Variants in FHIT observed in about 807,000 individuals in gnomAD.
FHIT encodes the protein fragile histidine triad diadenosine triphosphatase.
FHIT carries 19 observed loss-of-function variants against 17.9 expected under a neutral mutation model. That is an observed-to-expected ratio of 1.06 (90% CI 0.74 to 1.56). The LOEUF is 1.56. FHIT is among the 40% of genes most tolerant of loss of function. FHIT has a pLI of 0.00. For missense variants in FHIT, 248 were observed against 189.2 expected, an observed-to-expected ratio of 1.31 and a Z score of -1.82; for synonymous variants, 81 against 69.7, an observed-to-expected ratio of 1.16 and a Z score of -0.81.
intron 5 of FHIT, among the ~76,000 whole-genome samples, chr3:60,525,342 T>C (rs1030754299): frequency 6.6e-6 from 1 of 152,178 alleles, no homozygotes; most frequent in African/African-American, 2.4e-5. Context: ...AAAATTAAAT[T>C]TATCCCATAA....
chr3:61,117,837 A>G (rs2036344093), intron 2 of FHIT, among the ~76,000 whole-genome samples: 1 of 152,168 alleles, frequency 6.6e-6, no homozygotes, highest in African/African-American at 2.4e-5. Flanking sequence ...CTTTGTCATT[A>G]CCAGTGCCTA....
At chr3:60,210,764 T>G (rs563230780) in intron 5 of FHIT, among the ~76,000 whole-genome samples, 5 of 152,184 alleles carry the variant, frequency 3.3e-5, no homozygotes, top group African/African-American at 1.2e-4. Context: ...TGGCCAGACT[T>G]AGGGAACTAG....
At chr3:59,869,584 C>T (rs1267544532) in intron 8 of FHIT, among the ~76,000 whole-genome samples, 1 of 150,122 alleles carries the variant, frequency 6.7e-6, no homozygotes. Context: ...CGGGTTCACG[C>T]CATTCTCCTG....
At chr3:60,516,426 T>A (rs745939028) in intron 5 of FHIT, among the ~76,000 whole-genome samples, 58 of 152,288 alleles carry the variant, frequency 3.8e-4, no homozygotes, top group Non-Finnish European at 7.1e-4. Context: ...TGGCCTCATA[T>A]AGACATATAG....
chr3:60,679,848 A>G (rs1457266389), intron 4 of FHIT, among the ~76,000 whole-genome samples: 1 of 152,102 alleles, frequency 6.6e-6, no homozygotes, highest in Non-Finnish European at 1.5e-5. Context: ...TTGTTATATA[A>G]TGGTATTAGA....
intron 8 of FHIT, among the ~76,000 whole-genome samples, chr3:59,878,800 T>C (rs1315000510): frequency 6.6e-6 from 1 of 152,148 alleles, no homozygotes; most frequent in African/African-American, 2.4e-5. Flanking sequence ...GAGAAAGGGT[T>C]TGAGAGCAAG....
chr3:59,999,011 T>C (rs192401485), intron 7 of FHIT, among the ~76,000 whole-genome samples: 47 of 152,270 alleles, frequency 3.1e-4, no homozygotes, highest in South Asian at 2.1e-4. Context: ...ATGGATTTGA[T>C]AATTTGCTAA....
chr3:60,040,644 A>T (rs574403407), intron 5 of FHIT, among the ~76,000 whole-genome samples: 2 of 152,238 alleles, frequency 1.3e-5, no homozygotes, highest in South Asian at 4.1e-4. Context: ...GGGCTTCAAG[A>T]GAACTGCGGA....
In FHIT at chr3:59,952,919, G is replaced by A. The variant is rs190125830; in HGVS notation, c.280-30505C>T. On this transcript the variant is annotated intron_variant, in intron 7 of 9. Coordinates refer to ENST00000492590, the MANE Select transcript of FHIT (RefSeq NM_002012.4). ...GGAGACTAGCCACTCTGAAGCCTACGTTCCTTGAGTAGAATGGTCCACAAT... is the reference window on the plus strand; with the variant it reads ...GGAGACTAGCCACTCTGAAGCCTACATTCCTTGAGTAGAATGGTCCACAAT... 4.5e-3 allele frequency among the ~76,000 whole-genome samples: 685 copies of A among 152,064 alleles called. 5 individuals carry two copies. The highest frequency in any genetic ancestry group is 0.015 in the African/African-American group (631 of 41,494).
intron 3 of FHIT, among the ~76,000 whole-genome samples, chr3:60,926,166 G>T (rs1274515406): frequency 3.9e-5 from 6 of 152,064 alleles, no homozygotes; most frequent in Admixed American, 2.6e-4. Context: ...AAGTTAACAA[G>T]GATATCCAGG....
At chr3:59,969,477 C>G (rs1314521920) in intron 7 of FHIT, among the ~76,000 whole-genome samples, 1 of 152,084 alleles carries the variant, frequency 6.6e-6, no homozygotes, top group Non-Finnish European at 1.5e-5. Context: ...TTGAATTTCA[C>G]CCCAACCTCT....
intron 7 of FHIT, among the ~76,000 whole-genome samples, chr3:59,960,341 A>G (rs1388361635): frequency 6.6e-6 from 1 of 152,200 alleles, no homozygotes; most frequent in Admixed American, 6.5e-5. Context: ...AATCTAAAGC[A>G]CTTACTGATA....
intron 5 of FHIT, among the ~76,000 whole-genome samples, chr3:60,050,654 C>G (rs934773863): frequency 6.6e-6 from 1 of 152,176 alleles, no homozygotes; most frequent in African/African-American, 2.4e-5. Context: ...CTCACAGATT[C>G]TACTCTCTAT....
At chr3:60,293,290 T>C (rs903973704) in intron 5 of FHIT, among the ~76,000 whole-genome samples, 3 of 152,118 alleles carry the variant, frequency 2.0e-5, no homozygotes, top group South Asian at 2.1e-4. Flanking sequence ...CCCATAGTAA[T>C]AGATTACTCA....
At chr3:61,157,494 A>G (rs1322510182) in intron 2 of FHIT, among the ~76,000 whole-genome samples, 1 of 152,158 alleles carries the variant, frequency 6.6e-6, no homozygotes. Context: ...CAAAGGAGAA[A>G]GTACCCCAGA....
At chr3:60,716,859 G>C (rs1553706941) in intron 4 of FHIT, among the ~76,000 whole-genome samples, 2 of 152,128 alleles carry the variant, frequency 1.3e-5, no homozygotes. Flanking sequence ...GAACTTTTTA[G>C]CTCCATTATA....
At chr3:60,604,871 T>A (rs1553670467) in intron 4 of FHIT, among the ~76,000 whole-genome samples, 2 of 152,182 alleles carry the variant, frequency 1.3e-5, no homozygotes, top group African/African-American at 4.8e-5. Context: ...TCTGTTATCA[T>A]CATCCCCATT....
chr3:59,900,673 G>T (rs1413444070), intron 8 of FHIT, among the ~76,000 whole-genome samples: 1 of 152,146 alleles, frequency 6.6e-6, no homozygotes, highest in Non-Finnish European at 1.5e-5. Flanking sequence ...GAGTGCAGTG[G>T]TGCGATCTCA....
Position 59,747,814 on chromosome 3 carries a change from G to A in FHIT, c.*1771C>T, listed in dbSNP as rs1051622735. On this transcript the variant is annotated 3_prime_UTR_variant, in exon 10 of 10. Coordinates refer to ENST00000492590, the MANE Select transcript of FHIT (RefSeq NM_002012.4). ...AGGGGTTGGGGGGAGGTGGGTGGGT[G>A]GAAAGGAGTACTGGTTTAGGGTTGA... Among the ~76,000 whole-genome samples, 6 of 152,066 alleles carry A rather than the reference G, an allele frequency of 3.9e-5. No individual in the cohort carries two copies. Among genetic ancestry groups the A allele is most frequent in the African/African-American group, 1.4e-4 (6 of 41,420 alleles).
Sources: gnomAD v4.1 joint callset for allele counts (sites outside exome capture counted in the v4.1 genomes callset) on GRCh38, gnomAD v4.1.1 for gene constraint, MANE v1.5 for transcripts, NCBI Gene and HGNC (gene_info 2026-07-23, HGNC 2026-07-21) for gene names.